RHOBTB3: variants seen among roughly 807,000 people sequenced by gnomAD.
The protein encoded by RHOBTB3 is rho-related BTB domain-containing protein 3.
A neutral mutation model predicts 67.2 loss-of-function variants in RHOBTB3; 47 were observed. That is an observed-to-expected ratio of 0.70 (90% CI 0.55 to 0.89). The LOEUF (loss-of-function observed/expected upper bound fraction) is 0.89, where lower values mean the gene tolerates loss of function less well. RHOBTB3 is among the 40% of genes least tolerant of loss of function. The pLI is 0.00. For synonymous variants in RHOBTB3, 273 were observed against 274.2 expected (o/e 1.00, Z 0.04); for missense variants, 631 against 750.0 (o/e 0.84, Z 1.85).
At chr5:95,767,774 GACCTTGCAGCTTCTCAGCA>G in intron 7 of RHOBTB3, 1 of 700,776 alleles carries the variant, frequency 1.4e-6, no homozygotes, top group Admixed American at 2.0e-5. Flanking sequence ...AGGGTTTCAG[GACCTTGCAGCTTCTCAGCA>G]ATGGAGCTGA....
intron 5 of RHOBTB3, among the ~76,000 whole-genome samples, chr5:95,753,025 G>A (rs775058262): frequency 9.2e-5 from 14 of 152,066 alleles, no homozygotes; most frequent in South Asian, 2.1e-4. Flanking sequence ...CCAGCTACTC[G>A]GGAGGCTGAG....
chr5:95,734,189 T>G (rs1755390922), intron 2 of RHOBTB3, among the ~76,000 whole-genome samples: 1 of 152,214 alleles, frequency 6.6e-6, no homozygotes, highest in Non-Finnish European at 1.5e-5. Context: ...CATTCAAGAT[T>G]TATACAACTA....
chr5:95,732,133 C>A (rs539645910), intron 2 of RHOBTB3, 49 bp downstream of exon 2: 5 of 1,552,472 alleles, frequency 3.2e-6, no homozygotes, highest in Non-Finnish European at 3.5e-6. Flanking sequence ...GCTTTTCTTT[C>A]CTTTTTTTTC....
At chr5:95,755,794 T>A (rs780737620) in intron 6 of RHOBTB3, 33 bp downstream of exon 6, 1 of 1,605,100 alleles carries the variant, frequency 6.2e-7, no homozygotes, top group East Asian at 2.2e-5. Flanking sequence ...TTACTTACAA[T>A]CTCATAAGCT....
At chr5:95,754,126 T>C (rs1745174727) in intron 5 of RHOBTB3, among the ~76,000 whole-genome samples, 1 of 151,996 alleles carries the variant, frequency 6.6e-6, no homozygotes, top group Non-Finnish European at 1.5e-5. Context: ...GAAAAATCTC[T>C]TGTGTGGGTC....
chr5:95,731,542 G>A lies in RHOBTB3; in HGVS notation c.-141G>A. ...CGCGGCCCCGGCCCCGCTCTGCGTC[G>A]GCCCCGCCGCGGTGGAGGCGCGCGA... On this transcript the variant is annotated 5_prime_UTR_variant, in exon 1 of 12. Transcript: ENST00000379982. The A allele has an allele frequency of 2.1e-6, 3 of 1,412,786 alleles. No individual in the cohort carries two copies. The South Asian group carries it at 4.7e-5, about 22-fold the overall frequency. 87.5% of individuals were successfully genotyped at this position (1,412,786 alleles called of 1,614,324 possible). A position where few individuals can be genotyped will look rare whatever the true frequency, so the allele number is the denominator to read the frequency against.
rs575240189 is a variant in RHOBTB3 at position 95,768,928 on chromosome 5, C to T, written c.1282+762C>T. The T allele has an allele frequency of 1.0e-4, 17 of 168,604 alleles. No homozygotes were observed. In the East Asian group the frequency reaches 2.0e-3, roughly 20 times the overall value. The allele number at this position is 168,604 out of a possible 1,614,324, so 10.4% of individuals were successfully genotyped here. A position where few individuals can be genotyped will look rare whatever the true frequency, so the allele number is the denominator to read the frequency against. On this transcript the variant is annotated intron_variant, in intron 8 of 11. Transcript: ENST00000379982. ...AGGGGACGTGGCTCATCGCCATGTGCGTCTTGCATTCTGTCCCTCACTGGC... is the reference window on the plus strand; with the variant it reads ...AGGGGACGTGGCTCATCGCCATGTGTGTCTTGCATTCTGTCCCTCACTGGC...
Position 95,732,079 on chromosome 5 carries a change from G to T in RHOBTB3, c.223G>T (p.Val75Phe). 1 of 1,613,934 alleles carries T rather than the reference G, an allele frequency of 6.2e-7. No individual in the cohort carries two copies. The change falls in exon 2 of 12, where the codon GTC becomes TTC. Residue 75 changes from valine (V) to phenylalanine (F), a missense_variant. Transcript: ENST00000379982. ...CAAGCTGGTGGTCCACGACTGTCCC[G>T]TCTGGGTAAGGAAGAGCAGCTGCTC... ...NVKLVVHDCPVWDIFDSDWYT... is the reference protein window; with the variant it reads ...NVKLVVHDCPFWDIFDSDWYT...
intron 1 of RHOBTB3, among the ~76,000 whole-genome samples, chr5:95,720,514 C>T (rs552244192): frequency 6.6e-6 from 1 of 152,142 alleles, no homozygotes; most frequent in Non-Finnish European, 1.5e-5. Flanking sequence ...TAATAGTGTA[C>T]AATTTGTGCC....
In RHOBTB3 at chr5:95,784,096, A is replaced by G. The variant is rs1275175716; in HGVS notation, c.1623+133A>G. The G allele has an allele frequency of 4.4e-6, 3 of 685,364 alleles. No homozygotes were observed. The Admixed American group carries it at 9.4e-5, about 21-fold the overall frequency. 42.5% of individuals were successfully genotyped at this position (685,364 alleles called of 1,614,324 possible). On this transcript the variant is annotated intron_variant, in intron 10 of 11. Transcript: ENST00000379982. ...TTGGAAGTTTGGCTAATGAGGCTAA[A>G]GTGCCTTCACAACAGTTTATCTGGC...
intron 3 of RHOBTB3, among the ~76,000 whole-genome samples, chr5:95,745,351 G>T (rs1415835475): frequency 6.6e-6 from 1 of 151,934 alleles, no homozygotes; most frequent in Non-Finnish European, 1.5e-5. Context: ...ATCATACTTG[G>T]CTCTGAATAA....
In RHOBTB3 at chr5:95,748,504, G is replaced by C. The variant is rs1234711956; in HGVS notation, c.570+17G>C. On this transcript the variant is annotated intron_variant, in intron 4 of 11. Coordinates refer to ENST00000379982, the MANE Select transcript of RHOBTB3 (RefSeq NM_014899.4). ...GGAGGAGTGGTAAGTGGAAATTCCT[G>C]TTAAGTATAAAGTTATTTGTCAGGT... 4 of 1,597,716 alleles carry C rather than the reference G, an allele frequency of 2.5e-6. No individual in the cohort carries two copies. The South Asian group carries it at 4.5e-5, about 18-fold the overall frequency.
At chr5:95,755,839 A>G (rs760694905) in intron 6 of RHOBTB3, 78 bp downstream of exon 6, 1 of 1,469,400 alleles carries the variant, frequency 6.8e-7, no homozygotes, top group Admixed American at 1.9e-5. Context: ...ACTCAAGGGT[A>G]CTGGTTAGTT....
chr5:95,763,492 A>T lies in RHOBTB3; in HGVS notation c.1049-16A>T. 2.8e-6 allele frequency: 4 copies of T among 1,452,428 alleles called. No homozygotes were observed. Among genetic ancestry groups the T allele is most frequent in the Non-Finnish European group, 3.9e-6 (4 of 1,035,426 alleles). 90.0% of individuals were successfully genotyped at this position (1,452,428 alleles called of 1,614,324 possible). On this transcript the variant is annotated splice_polypyrimidine_tract_variant and intron_variant, in intron 6 of 11. Transcript: ENST00000379982. ...CATTTAACAGAAAAATCCAGCATGT[A>T]CTAATTTGTTTACAGGTGCTTTTCA...
chr5:95,753,118 C>T (rs967238972), intron 5 of RHOBTB3, among the ~76,000 whole-genome samples: 1 of 150,866 alleles, frequency 6.6e-6, no homozygotes, highest in African/African-American at 2.4e-5. Flanking sequence ...GCCTGGGCGA[C>T]AGAGCAAGAC....
At chr5:95,785,261 G>T (rs939674228) in intron 10 of RHOBTB3, among the ~76,000 whole-genome samples, 3 of 152,040 alleles carry the variant, frequency 2.0e-5, no homozygotes, top group Non-Finnish European at 4.4e-5. Context: ...CAAGTCTTAC[G>T]ATCACATGTA....
At chr5:95,770,214 G>T (rs905403615) in intron 8 of RHOBTB3, 23 of 298,452 alleles carry the variant, frequency 7.7e-5, no homozygotes, top group Non-Finnish European at 1.0e-4. Flanking sequence ...GAGTAGCTGT[G>T]CTGAAGGTTG....
chr5:95,771,662 A>T (rs759912497), intron 8 of RHOBTB3, among the ~76,000 whole-genome samples: 3 of 152,236 alleles, frequency 2.0e-5, no homozygotes, highest in Non-Finnish European at 4.4e-5. Flanking sequence ...CAAAGTGTCT[A>T]TCTAAAGACA....
Position 95,746,259 on chromosome 5 carries a change from T to C in RHOBTB3, c.416-2074T>C, listed in dbSNP as rs941769500. ...CAAATCAGATTGTTAAAAATTATTT[T>C]ACATTATGTTCACTTCACTTTTCCA... On this transcript the variant is annotated intron_variant, in intron 3 of 11. Coordinates refer to ENST00000379982, the MANE Select transcript of RHOBTB3 (RefSeq NM_014899.4). Among the ~76,000 whole-genome samples, 5 of 152,176 alleles carry C rather than the reference T, an allele frequency of 3.3e-5. No homozygotes were observed. In the East Asian group the frequency reaches 9.6e-4, roughly 29 times the overall value.
Sources: allele counts gnomAD v4.1 joint callset (sites outside exome capture counted in the v4.1 genomes callset), GRCh38; gene constraint gnomAD v4.1.1; transcripts MANE v1.5; gene names NCBI Gene and HGNC (gene_info 2026-07-23, HGNC 2026-07-21).